CRACDL: variants seen among roughly 807,000 people sequenced by gnomAD.
CRACDL encodes the protein CRACD-like protein.
CRACDL carries 26 observed loss-of-function variants against 70.6 expected under a neutral mutation model. The observed-to-expected ratio is 0.37, with a 90% CI of 0.27 to 0.51. The LOEUF (loss-of-function observed/expected upper bound fraction) is 0.51, where lower values mean the gene tolerates loss of function less well. Among genes scored for constraint, CRACDL ranks in the 20% least tolerant of loss-of-function variants. The pLI is 0.94. For missense variants in CRACDL, 1,283 were observed against 1,376.9 expected (o/e 0.93, Z 1.08); for synonymous variants, 618 against 615.2 (o/e 1.00, Z -0.07).
intron 2 of CRACDL, among the ~76,000 whole-genome samples, chr2:98,840,939 T>G (rs886111603): frequency 1.3e-5 from 2 of 152,188 alleles, no homozygotes; most frequent in African/African-American, 2.4e-5. Flanking sequence ...TCCCACCTGA[T>G]GCTTAAAGGA....
intron 2 of CRACDL, among the ~76,000 whole-genome samples, chr2:98,844,974 C>T (rs1706190428): frequency 6.6e-6 from 1 of 152,180 alleles, no homozygotes; most frequent in Non-Finnish European, 1.5e-5. Context: ...CACACCTACT[C>T]AGATTTGGTA....
rs557788758 is a variant in CRACDL at position 98,822,321 on chromosome 2, C to A, written c.1952G>T (p.Arg651Leu). 1.6e-5 allele frequency: 23 copies of A among 1,468,518 alleles called. 1 individual carries two copies. In the South Asian group the frequency reaches 1.9e-4, roughly 12 times the overall value. The allele number at this position is 1,468,518 out of a possible 1,614,324, so 91.0% of individuals were successfully genotyped here. A position where few individuals can be genotyped will look rare whatever the true frequency, so the allele number is the denominator to read the frequency against. ...GGCGGCCGCCTCCTGAGGGCTCTTGCGCGGCCCGGCCGGGCTGGCCGCCCT... is the reference window on the plus strand; with the variant it reads ...GGCGGCCGCCTCCTGAGGGCTCTTGAGCGGCCCGGCCGGGCTGGCCGCCCT... ...GDRAASPAGPRKSPQEAAAAP... is the reference protein window; with the variant it reads ...GDRAASPAGPLKSPQEAAAAP... The change falls in exon 7 of 10, where the codon CGC becomes CTC. Residue 651 changes from arginine to leucine, a missense_variant. Coordinates refer to ENST00000397899, the MANE Select transcript of CRACDL (RefSeq NM_207362.3). This position sits in a 1 kb window ranked among gnomAD's most constrained non-coding sequence, Gnocchi z 4.9.
chr2:98,889,417 T>G (rs979527609), intron 1 of CRACDL, among the ~76,000 whole-genome samples: 11 of 151,956 alleles, frequency 7.2e-5, no homozygotes, highest in African/African-American at 2.7e-4. Context: ...AAGATAAAAA[T>G]TACTACAGAC....
intron 1 of CRACDL, among the ~76,000 whole-genome samples, chr2:98,881,726 C>T (rs914159230): frequency 3.9e-5 from 6 of 152,180 alleles, no homozygotes; most frequent in African/African-American, 9.7e-5. Flanking sequence ...ACCATCCAGG[C>T]GATGGAAGCC....
At chr2:98,849,256 C>A (rs1178048395) in intron 1 of CRACDL, among the ~76,000 whole-genome samples, 1 of 152,172 alleles carries the variant, frequency 6.6e-6, no homozygotes, top group Non-Finnish European at 1.5e-5. Flanking sequence ...GGGAAAGGAA[C>A]CGGAGGCCAC....
intron 7 of CRACDL, among the ~76,000 whole-genome samples, chr2:98,821,635 C>T (rs1705032829): frequency 6.6e-6 from 1 of 152,208 alleles, no homozygotes; most frequent in African/African-American, 2.4e-5. Flanking sequence ...AGAAAGTTTA[C>T]GAATTCATGT....
chr2:98,889,315 G>GAAAA (rs1485127211), intron 1 of CRACDL, among the ~76,000 whole-genome samples: 1 of 139,724 alleles, frequency 7.2e-6, no homozygotes, highest in African/African-American at 3.1e-5. Context: ...AAGAAAGAAA[G>GAAAA]AAAGAAAGAA....
intron 7 of CRACDL, among the ~76,000 whole-genome samples, chr2:98,818,225 C>T (rs906222992): frequency 5.9e-5 from 9 of 152,148 alleles, no homozygotes; most frequent in Non-Finnish European, 1.0e-4. Context: ...TCCTCTGCCT[C>T]GAGGAGCACA....
At chr2:98,915,088 T>C (rs1224767714) in intron 1 of CRACDL, among the ~76,000 whole-genome samples, 1 of 152,052 alleles carries the variant, frequency 6.6e-6, no homozygotes, top group Non-Finnish European at 1.5e-5. Context: ...CAAAGGCTGC[T>C]CAAAGTAGAG....
At chr2:98,850,477 C>T (rs1000642682) in intron 1 of CRACDL, among the ~76,000 whole-genome samples, 3 of 152,218 alleles carry the variant, frequency 2.0e-5, no homozygotes, top group Admixed American at 2.0e-4. Context: ...ATACCCAATA[C>T]CTCCCAGACC....
In CRACDL at chr2:98,823,162, G is replaced by T. The variant is rs766381405; in HGVS notation, c.1111C>A (p.Gln371Lys). 1 of 1,541,450 alleles carries T rather than the reference G, an allele frequency of 6.5e-7. No homozygotes were observed. The highest frequency in any genetic ancestry group is 8.7e-7 in the Non-Finnish European group (1 of 1,147,516). ...PPNPGPDGGK[Q>K]DGEAPPAGPC... Reference sequence around the variant, plus strand: ...CCTGCGGGGGGCGCCTCCCCATCCTGCTTTCCGCCGTCGGGACCGGGATTC... The same window carrying T: ...CCTGCGGGGGGCGCCTCCCCATCCTTCTTTCCGCCGTCGGGACCGGGATTC... Residue 371 changes from glutamine to lysine, a missense_variant, in exon 7 of 10, where the codon CAG becomes AAG. By Grantham distance (53) the Gln-to-Lys change is moderately conservative (BLOSUM62 1). Transcript: ENST00000397899. This position sits in a 1 kb window ranked among gnomAD's most constrained non-coding sequence, Gnocchi z 4.0.
intron 2 of CRACDL, 143 bp from the exon 3 acceptor site, chr2:98,838,430 C>A (rs565334429): frequency 2.0e-6 from 1 of 512,260 alleles, no homozygotes; most frequent in South Asian, 3.3e-5. Context: ...CCTTTTACTT[C>A]GCAAAAGTAC....
chr2:98,934,037 T>C (rs574659152), intron 1 of CRACDL, among the ~76,000 whole-genome samples: 4 of 152,248 alleles, frequency 2.6e-5, no homozygotes, highest in African/African-American at 9.6e-5. Context: ...AGCCCATTCA[T>C]GACCTATCAC....
chr2:98,844,857 A>C (rs868596718), intron 2 of CRACDL, among the ~76,000 whole-genome samples: 78 of 152,236 alleles, frequency 5.1e-4, no homozygotes, highest in African/African-American at 1.8e-3. Flanking sequence ...GTTTGCATCC[A>C]GTCTAGAAGC....
chr2:98,817,990 T>C (rs1704858202), intron 7 of CRACDL, among the ~76,000 whole-genome samples: 1 of 152,116 alleles, frequency 6.6e-6, no homozygotes, highest in African/African-American at 2.4e-5. Context: ...TTCTACATAC[T>C]TTCTGTGTTT....
At chr2:98,923,761 T>G (rs1227877971) in intron 1 of CRACDL, among the ~76,000 whole-genome samples, 1 of 152,246 alleles carries the variant, frequency 6.6e-6, no homozygotes, top group Admixed American at 6.5e-5. Context: ...TTCCTACTGA[T>G]GAATTGTGAA....
chr2:98,851,265 C>T (rs1459430764), intron 1 of CRACDL, among the ~76,000 whole-genome samples: 1 of 152,318 alleles, frequency 6.6e-6, no homozygotes, highest in Admixed American at 6.5e-5. Flanking sequence ...ATATTCACTG[C>T]TCTTTTACCA....
intron 2 of CRACDL, among the ~76,000 whole-genome samples, chr2:98,846,307 G>A (rs982732000): frequency 2.0e-5 from 3 of 152,120 alleles, no homozygotes; most frequent in Non-Finnish European, 4.4e-5. Context: ...TGAAGGAGAG[G>A]GATCAAAGGC....
chr2:98,817,790 C>T (rs911942986), intron 7 of CRACDL, among the ~76,000 whole-genome samples: 2 of 152,158 alleles, frequency 1.3e-5, no homozygotes, highest in Non-Finnish European at 2.9e-5. Context: ...CTGTCACCAA[C>T]CCTGTCTGGA....
Sources: gnomAD v4.1 joint callset for allele counts (sites outside exome capture counted in the v4.1 genomes callset) on GRCh38, gnomAD v4.1.1 for gene constraint, Gnocchi (gnomAD v3.1) non-coding constraint, MANE v1.5 for transcripts, NCBI Gene and HGNC (gene_info 2026-07-23, HGNC 2026-07-21) for gene names.